The following RGPD4 variants were observed in gnomAD, a reference collection of about 807,000 sequenced individuals.
RGPD4 encodes the protein RANBP2 like and GRIP domain containing 4, also known as ranBP2-like and GRIP domain-containing protein 4.
In RGPD4, 84 loss-of-function variants were observed where a neutral mutation model predicts 141.1. The observed-to-expected ratio is 0.60, with a 90% CI of 0.50 to 0.71. The LOEUF (loss-of-function observed/expected upper bound fraction) is 0.71, where lower values mean the gene tolerates loss of function less well. Among genes scored for constraint, RGPD4 ranks in the 30% least tolerant of loss-of-function variants. The pLI, the probability that RGPD4 is intolerant of heterozygous loss-of-function variation, is 0.00. For synonymous variants in RGPD4, 298 were observed against 566.8 expected, an observed-to-expected ratio of 0.53 and a Z score of 6.74; for missense variants, 918 against 1,622.4, an observed-to-expected ratio of 0.57 and a Z score of 7.46.
At chr2:107,880,603 T>C (rs1675333377) in intron 21 of RGPD4, among the ~76,000 whole-genome samples, 2 of 151,238 alleles carry the variant, frequency 1.3e-5, no homozygotes, top group African/African-American at 4.9e-5. Flanking sequence ...GATTATTTCT[T>C]AATTCCTACT....
Position 107,871,910 on chromosome 2 carries a change from A to T in RGPD4, c.3906A>T (p.Pro1302=), listed in dbSNP as rs2104494624. 1 of 1,611,470 alleles carries T rather than the reference A, an allele frequency of 6.2e-7. No individual in the cohort carries two copies. Among genetic ancestry groups the T allele is most frequent in the African/African-American group, 1.3e-5 (1 of 74,588 alleles). Residue 1302 remains proline, a synonymous_variant, in exon 20 of 23, where the codon CCA becomes CCT. Transcript: ENST00000408999. ...SNFSFKSALS[P]SKSPAKLNQS... ...TCAGTTTTAAATCTGCTTTGAGTCCATCTAAGTCTCCTGCCAAGTTGAATC... is the reference window on the plus strand; with the variant it reads ...TCAGTTTTAAATCTGCTTTGAGTCCTTCTAAGTCTCCTGCCAAGTTGAATC...
intron 9 of RGPD4, among the ~76,000 whole-genome samples, chr2:107,857,684 C>T (rs1280028009): frequency 2.0e-5 from 3 of 151,820 alleles, no homozygotes; most frequent in Non-Finnish European, 4.4e-5. Flanking sequence ...ATCCTCCTGC[C>T]TAAGCCCCCC....
rs370881895 is a variant in RGPD4 at position 107,844,802 on chromosome 2, CCTTT to C, written c.782+1093_782+1096del. Among the ~76,000 whole-genome samples the C allele has an allele frequency of 5.2e-3, 281 of 53,738 alleles. 13 individuals are homozygous for C. Among genetic ancestry groups the C allele is most frequent in the African/African-American group, 0.014 (202 of 13,946 alleles). 35.3% of individuals were successfully genotyped at this position (53,738 alleles called of 152,430 possible). A position where few individuals can be genotyped will look rare whatever the true frequency, so the allele number is the denominator to read the frequency against. ...CATCAAAGATGTTTGTATGTGGGTT[CCTTT>C]CTTTCTTTCTTTCTTTCTTTTTTGT... is the stretch of plus-strand genomic sequence containing the variant. On this transcript the variant is annotated intron_variant, in intron 6 of 22. Coordinates refer to ENST00000408999, the MANE Select transcript of RGPD4 (RefSeq NM_182588.3).
At position 107,844,830 on chromosome 2, in the gene RGPD4, G is replaced by GTTTTTTTTTTTTTTTTTTTTT. The variant is rs1222283120; in HGVS notation, c.782+1104_782+1124dup. 2.3e-4 allele frequency among the ~76,000 whole-genome samples: 6 copies of GTTTTTTTTTTTTTTTTTTTTT among 26,174 alleles called. 1 individual carries two copies. The highest frequency in any genetic ancestry group is 3.6e-4 in the Non-Finnish European group (5 of 13,992). The allele number at this position is 26,174 out of a possible 152,430, so 17.2% of individuals were successfully genotyped here. On this transcript the variant is annotated intron_variant, in intron 6 of 22. Coordinates refer to ENST00000408999, the MANE Select transcript of RGPD4 (RefSeq NM_182588.3). ...TTCTTTCTTTCTTTCTTTCTTTTTT[G>GTTTTTTTTTTTTTTTTTTTTT]TTTTTTTTTTTTTTTTTTTTTTTTG...
intron 4 of RGPD4, among the ~76,000 whole-genome samples, chr2:107,840,416 A>G (rs1404224610): frequency 2.6e-5 from 4 of 152,264 alleles, no homozygotes; most frequent in East Asian, 1.9e-4. Context: ...AGGTTCAAGC[A>G]ATTCTCCTGC....
intron 1 of RGPD4, among the ~76,000 whole-genome samples, chr2:107,832,187 CATTGATTG>C (rs749712465): frequency 1.3e-5 from 2 of 151,240 alleles, no homozygotes; most frequent in Non-Finnish European, 2.9e-5. Context: ...CAGCTTAAAA[CATTGATTG>C]ATTGATTGAT....
chr2:107,845,051 T>C, intron 6 of RGPD4, among the ~76,000 whole-genome samples: 1 of 134,366 alleles, frequency 7.4e-6, no homozygotes, highest in Non-Finnish European at 1.6e-5. Context: ...TCAATCTCTC[T>C]TTTTTTTTTT....
intron 6 of RGPD4, among the ~76,000 whole-genome samples, chr2:107,844,830 GTTTTTTTTTT>G (rs1222283120): frequency 1.6e-3 from 42 of 26,138 alleles, no homozygotes; most frequent in African/African-American, 3.2e-3. Flanking sequence ...TTTCTTTTTT[GTTTTTTTTTT>G]TTTTTTTTTT....
Position 107,869,877 on chromosome 2 carries a change from T to A in RGPD4, c.2606-6T>A. 1.5e-6 allele frequency: 2 copies of A among 1,363,500 alleles called. No homozygotes were observed. Among genetic ancestry groups the A allele is most frequent in the East Asian group, 4.6e-5 (2 of 43,752 alleles). 84.5% of individuals were successfully genotyped at this position (1,363,500 alleles called of 1,614,324 possible). On this transcript the variant is annotated splice_polypyrimidine_tract_variant and splice_region_variant and intron_variant, in intron 18 of 22. Transcript: ENST00000408999. ...TGTTTTCTTTCTTTTCTTTTTTTTT[T>A]TTTAGTTGCAACTACTGGCCCTTCA...
rs1682955312 is a variant in RGPD4 at position 107,872,320 on chromosome 2, G to T, written c.4316G>T (p.Arg1439Ile). The change falls in exon 20 of 23, where the codon AGA (arginine) becomes ATA (isoleucine). Residue 1439 changes from arginine (R) to isoleucine (I), a missense_variant. Arg to Ile is a moderately conservative substitution (Grantham distance 97). Transcript: ENST00000408999. ...GCATGTGATTTTGCAGATGGAGAAA[G>T]AAAAGTAGAGCATTTAGCTGTTCGT... ...WTACDFADGERKVEHLAVRFK... is the reference protein window; with the variant it reads ...WTACDFADGEIKVEHLAVRFK... 8 of 1,607,630 alleles carry T rather than the reference G, an allele frequency of 5.0e-6. No homozygotes were observed. The highest frequency in any genetic ancestry group is 1.4e-5 in the African/African-American group (1 of 73,422).
intron 22 of RGPD4, 142 bp from the exon 23 acceptor site, chr2:107,890,573 AGAACCC>A: frequency 3.1e-4 from 25 of 80,876 alleles, no homozygotes; most frequent in South Asian, 1.3e-3. Context: ...AAAAAAAAAA[AGAACCC>A]CCCCCCCCCA....
rs1040156673 is a variant in RGPD4, at chr2:107,890,667, T to C, written c.5267-54T>C. The C allele has an allele frequency of 1.6e-5, 24 of 1,500,760 alleles. No individual in the cohort carries two copies. The East Asian group carries it at 3.3e-4, about 20-fold the overall frequency. The allele number at this position is 1,500,760 out of a possible 1,614,324, so 93.0% of individuals were successfully genotyped here. ...GTGGTTCTAAAATATAGATTTTACA[T>C]TGAGAAATTTTAATACTCTCTTTTT... On this transcript the variant is annotated intron_variant, in intron 22 of 22. Transcript: ENST00000408999.
chr2:107,884,174 G>A (rs576101507), intron 22 of RGPD4, among the ~76,000 whole-genome samples: 188 of 151,964 alleles, frequency 1.2e-3, no homozygotes, highest in Non-Finnish European at 1.9e-3. Context: ...GCAGTGGTCC[G>A]ATCATGGCTC....
intron 22 of RGPD4, among the ~76,000 whole-genome samples, chr2:107,885,079 T>C (rs1272106997): frequency 6.6e-6 from 1 of 152,178 alleles, no homozygotes; most frequent in African/African-American, 2.4e-5. Flanking sequence ...ATAGCCACAA[T>C]AGTATTTTTG....
rs1376012786 is a variant in RGPD4, at chr2:107,880,118, A to T, written c.5064+11A>T. The T allele has an allele frequency of 1.9e-6, 3 of 1,611,416 alleles. No homozygotes were observed. The highest frequency in any genetic ancestry group is 2.7e-5 in the African/African-American group (2 of 74,414). On this transcript the variant is annotated intron_variant, in intron 21 of 22. Transcript: ENST00000408999. Reference sequence around the variant, plus strand: ...ATGGAGCAAATTAAGGTGAGATCAGAAAACCTGGCCACCATGAAAACTGCC... The same window carrying T: ...ATGGAGCAAATTAAGGTGAGATCAGTAAACCTGGCCACCATGAAAACTGCC...
chr2:107,878,118 A>T (rs1683143287), intron 20 of RGPD4, among the ~76,000 whole-genome samples: 1 of 150,918 alleles, frequency 6.6e-6, no homozygotes, highest in African/African-American at 2.5e-5. Context: ...GGCCTTGATG[A>T]CTAAATTTTA....
In RGPD4 at chr2:107,890,763, A is replaced by G. The variant is rs781591556; in HGVS notation, c.*32A>G. ...TCCCGTTCTTCTGGATGGGCATCCT[A>G]TCTTCGTAGTTGGTTTGGACTTCGA... On this transcript the variant is annotated 3_prime_UTR_variant, in exon 23 of 23. Transcript: ENST00000408999. 2.5e-6 allele frequency: 4 copies of G among 1,602,924 alleles called. No homozygotes were observed. The highest frequency in any genetic ancestry group is 1.7e-5 in the Admixed American group (1 of 57,656).
rs762585447 is a variant in RGPD4 at position 107,870,776 on chromosome 2, A to C, written c.2772A>C (p.Lys924Asn). 5 of 1,609,940 alleles carry C rather than the reference A, an allele frequency of 3.1e-6. No homozygotes were observed. In the South Asian group the frequency reaches 5.5e-5, roughly 18 times the overall value. Residue 924 changes from lysine (K) to asparagine (N), a missense_variant, in exon 20 of 23, where the codon AAA (lysine) becomes AAC (asparagine). Transcript: ENST00000408999. ...FSIPVSADGFKFGISEPGNQE... is the reference protein window; with the variant it reads ...FSIPVSADGFNFGISEPGNQE... ...TCCCTGTGTCTGCTGATGGATTTAA[A>C]TTTGGCATTTCGGAACCAGGAAATC...
At chr2:107,828,616 C>G (rs878963114) in intron 1 of RGPD4, among the ~76,000 whole-genome samples, 689 of 20,316 alleles carry the variant, frequency 0.034, 5 homozygotes, top group African/African-American at 0.06. Flanking sequence ...GCGGCGGCCT[C>G]GACCTGGCCC....
Sources: allele counts gnomAD v4.1 joint callset (sites outside exome capture counted in the v4.1 genomes callset), GRCh38; gene constraint gnomAD v4.1.1; transcripts MANE v1.5; gene names NCBI Gene and HGNC (gene_info 2026-07-23, HGNC 2026-07-21).